CHRM3: variants seen among roughly 807,000 people sequenced by gnomAD.
CHRM3 encodes cholinergic receptor muscarinic 3, also known as muscarinic acetylcholine receptor M3.
A neutral mutation model predicts 41.8 loss-of-function variants in CHRM3; 11 were observed. That is an observed-to-expected ratio of 0.26 (90% CI 0.17 to 0.44). CHRM3 has a LOEUF of 0.44. Among genes scored for constraint, CHRM3 ranks in the 20% least tolerant of loss-of-function variants. CHRM3 has a pLI of 1.00. For synonymous variants in CHRM3, 297 were observed against 301.4 expected (o/e 0.99, Z 0.15); for missense variants, 571 against 745.4 (o/e 0.77, Z 2.72).
At chr1:239,850,487 C>T (rs921468590) in intron 6 of CHRM3, among the ~76,000 whole-genome samples, 22 of 152,174 alleles carry the variant, frequency 1.4e-4, no homozygotes, top group African/African-American at 4.8e-4. Flanking sequence ...CAGTCAAACC[C>T]GTGTCATTCA....
intron 3 of CHRM3, among the ~76,000 whole-genome samples, chr1:239,631,378 TCTGTTCTCAGTC>T (rs1158917242): frequency 6.6e-6 from 1 of 152,134 alleles, no homozygotes; most frequent in African/African-American, 2.4e-5. Context: ...TACCTTACAG[TCTGTTCTCAGTC>T]CTCTTTTCAT....
intron 1 of CHRM3, among the ~76,000 whole-genome samples, chr1:239,450,920 T>C (rs1225088917): frequency 1.3e-5 from 2 of 152,216 alleles, no homozygotes; most frequent in Non-Finnish European, 2.9e-5. Context: ...CCAGGCATGG[T>C]GGCTTACACC....
chr1:239,659,924 C>T (rs1186509166), intron 4 of CHRM3, among the ~76,000 whole-genome samples: 1 of 152,132 alleles, frequency 6.6e-6, no homozygotes, highest in East Asian at 1.9e-4. Context: ...CATCAGTGAT[C>T]TTTGTAAGTT....
intron 4 of CHRM3, among the ~76,000 whole-genome samples, chr1:239,638,300 A>G (rs1024208353): frequency 8.6e-5 from 13 of 151,906 alleles, no homozygotes; most frequent in African/African-American, 3.1e-4. Flanking sequence ...GCTGGGTCAA[A>G]TGGTATTTCT....
intron 3 of CHRM3, among the ~76,000 whole-genome samples, chr1:239,583,944 C>G (rs181706225): frequency 1.3e-5 from 2 of 152,102 alleles, no homozygotes; most frequent in Admixed American, 6.6e-5. Flanking sequence ...CCTCATGATT[C>G]CATTAGATTA....
chr1:239,892,293 A>T (rs1678618504), intron 6 of CHRM3, among the ~76,000 whole-genome samples: 1 of 152,128 alleles, frequency 6.6e-6, no homozygotes, highest in Admixed American at 6.5e-5. Flanking sequence ...TAGACATTTT[A>T]TTATTATTTT....
chr1:239,835,696 C>T (rs975887675), intron 6 of CHRM3, among the ~76,000 whole-genome samples: 9 of 152,118 alleles, frequency 5.9e-5, no homozygotes, highest in Admixed American at 2.0e-4. Context: ...AGAAGACATC[C>T]GAGTACCTCC....
At chr1:239,877,611 A>T (rs1443227614) in intron 6 of CHRM3, among the ~76,000 whole-genome samples, 1 of 152,252 alleles carries the variant, frequency 6.6e-6, no homozygotes, top group Non-Finnish European at 1.5e-5. Context: ...ATAGATGCAG[A>T]GACTGAGGCT....
chr1:239,711,755 C>CACAGCTT (rs112477690), intron 5 of CHRM3, among the ~76,000 whole-genome samples: 13 of 151,264 alleles, frequency 8.6e-5, no homozygotes, highest in African/African-American at 3.2e-4. Flanking sequence ...AGGGGTGAGA[C>CACAGCTT]ACAGCTTACT....
chr1:239,858,577 C>A (rs1675315919), intron 6 of CHRM3, among the ~76,000 whole-genome samples: 1 of 147,452 alleles, frequency 6.8e-6, no homozygotes. Flanking sequence ...GGGTTTTTTG[C>A]GTTTGTTTGG....
chr1:239,495,486 A>G (rs1167001287), intron 2 of CHRM3, among the ~76,000 whole-genome samples: 2 of 152,164 alleles, frequency 1.3e-5, no homozygotes, highest in Non-Finnish European at 2.9e-5. Flanking sequence ...TTTAAGCCCT[A>G]AAATGCTTCT....
chr1:239,784,824 T>G (rs934300865), intron 5 of CHRM3, among the ~76,000 whole-genome samples: 1 of 152,214 alleles, frequency 6.6e-6, no homozygotes, highest in Non-Finnish European at 1.5e-5. Context: ...CCTCTCTAAG[T>G]CTTTCTCCTC....
At chr1:239,673,791 T>G (rs1157579936) in intron 4 of CHRM3, among the ~76,000 whole-genome samples, 1 of 152,182 alleles carries the variant, frequency 6.6e-6, no homozygotes, top group Non-Finnish European at 1.5e-5. Flanking sequence ...TATGGCTACT[T>G]AATGCACCAT....
chr1:239,499,545 T>C (rs1668090122), intron 2 of CHRM3, among the ~76,000 whole-genome samples: 1 of 152,126 alleles, frequency 6.6e-6, no homozygotes, highest in South Asian at 2.1e-4. Flanking sequence ...CAGTAAAAGA[T>C]TATATTTTCT....
chr1:239,716,357 T>C (rs2148283925), intron 5 of CHRM3, among the ~76,000 whole-genome samples: 1 of 152,042 alleles, frequency 6.6e-6, no homozygotes, highest in Non-Finnish European at 1.5e-5. Flanking sequence ...AAGTTTGGGG[T>C]CTCCATGATT....
At position 239,648,025 on chromosome 1, in the gene CHRM3, T is replaced by C. The variant is rs1001762470; in HGVS notation, c.-250+15739T>C. ...CTGTTTGAAATAATCAGAGTCCCCA[T>C]TGACTTAAAAAGAGAAAATGAAACT... On this transcript the variant is annotated intron_variant, in intron 4 of 6. Coordinates refer to ENST00000676153, the MANE Select transcript of CHRM3 (RefSeq NM_001375978.1). Among the ~76,000 whole-genome samples the C allele has an allele frequency of 9.2e-5, 14 of 152,182 alleles. No individual in the cohort carries two copies. In the East Asian group the frequency reaches 1.7e-3, roughly 19 times the overall value.
rs143185581 is a variant in CHRM3 at position 239,480,688 on chromosome 1, C to T, written c.-520-12021C>T. 1.3e-3 allele frequency among the ~76,000 whole-genome samples: 192 copies of T among 151,592 alleles called. 2 individuals carry two copies. Among genetic ancestry groups the T allele is most frequent in the African/African-American group, 3.7e-3 (151 of 41,280 alleles). On this transcript the variant is annotated intron_variant, in intron 1 of 6. Transcript: ENST00000676153. ...TCTCCTGCTTCAGCCTCCTGAGTAG[C>T]GGGGACTACAGGTGCCCACCAGCAC...
intron 3 of CHRM3, among the ~76,000 whole-genome samples, chr1:239,566,299 A>G (rs1661359338): frequency 6.6e-6 from 1 of 152,142 alleles, no homozygotes; most frequent in Admixed American, 6.5e-5. Flanking sequence ...AGATTATGTC[A>G]TTGTATCTGT....
At chr1:239,678,729 T>A (rs1189347966) in intron 5 of CHRM3, among the ~76,000 whole-genome samples, 1 of 152,132 alleles carries the variant, frequency 6.6e-6, no homozygotes, top group Non-Finnish European at 1.5e-5. Flanking sequence ...GTGTAACAAC[T>A]CACAGGATAA....
Sources: allele counts gnomAD v4.1 joint callset (sites outside exome capture counted in the v4.1 genomes callset), GRCh38; gene constraint gnomAD v4.1.1; transcripts MANE v1.5; gene names NCBI Gene and HGNC (gene_info 2026-07-23, HGNC 2026-07-21).